Variants in ANKIB1 observed in about 807,000 individuals in gnomAD.
ANKIB1 encodes the protein ankyrin repeat and IBR domain containing 1.
In ANKIB1, 43 loss-of-function variants were observed where a neutral mutation model predicts 122.1. That is an observed-to-expected ratio of 0.35 (90% CI 0.28 to 0.45). ANKIB1 has a LOEUF of 0.45. Ranked by LOEUF, ANKIB1 falls within the 20% of genes least tolerant of loss-of-function variation. The probability of loss-of-function intolerance (pLI) is 1.00; values close to 1 mark genes in which losing one functional copy is unlikely to be tolerated. For missense variants in ANKIB1, 992 were observed against 1,329.5 expected (o/e 0.75, Z 3.95); for synonymous variants, 390 against 442.0 (o/e 0.88, Z 1.48).
Position 92,399,236 on chromosome 7 carries a change from A to G in ANKIB1, c.*287A>G, listed in dbSNP as rs1804965309. The G allele has an allele frequency of 4.5e-6, 1 of 221,056 alleles. No homozygotes were observed. Among genetic ancestry groups the G allele is most frequent in the Non-Finnish European group, 8.8e-6 (1 of 114,150 alleles). The allele number at this position is 221,056 out of a possible 1,614,324, so 13.7% of individuals were successfully genotyped here. ...ATAAATAAGTTGTATTCCACACTCTAAGAAAATGCAGTCCTCTATTTAGCC... is the reference window on the plus strand; with the variant it reads ...ATAAATAAGTTGTATTCCACACTCTGAGAAAATGCAGTCCTCTATTTAGCC... On this transcript the variant is annotated 3_prime_UTR_variant, in exon 20 of 20. Coordinates refer to ENST00000265742, the MANE Select transcript of ANKIB1 (RefSeq NM_019004.2).
intron 11 of ANKIB1, 115 bp downstream of exon 11, chr7:92,371,722 A>G (rs1804258603): frequency 8.2e-7 from 1 of 1,223,578 alleles, no homozygotes; most frequent in Admixed American, 2.2e-5. Flanking sequence ...TCTTGCCTAT[A>G]ATCCCAGCAC....
Position 92,307,808 on chromosome 7 carries a change from C to CTTTTT in ANKIB1, c.486+172_486+176dup, listed in dbSNP as rs71107855. On this transcript the variant is annotated intron_variant, in intron 3 of 19. Coordinates refer to ENST00000265742, the MANE Select transcript of ANKIB1 (RefSeq NM_019004.2). ...AAAGACCCTTTTAAATAAAGGGCCT[C>CTTTTT]TTTTTTTTTTTTTTTTTTTTTTTTG... 2.8e-3 allele frequency among the ~76,000 whole-genome samples: 133 copies of CTTTTT among 47,916 alleles called. 7 individuals carry two copies. The highest frequency in any genetic ancestry group is 0.01 in the African/African-American group (110 of 10,858). The allele number at this position is 47,916 out of a possible 152,430, so 31.4% of individuals were successfully genotyped here.
At chr7:92,295,541 A>G (rs1309423469) in intron 2 of ANKIB1, among the ~76,000 whole-genome samples, 1 of 152,180 alleles carries the variant, frequency 6.6e-6, no homozygotes, top group Non-Finnish European at 1.5e-5. Flanking sequence ...TTTCAATTCT[A>G]GAACAGTACT....
At chr7:92,291,684 C>T (rs973016064) in intron 1 of ANKIB1, among the ~76,000 whole-genome samples, 33 of 149,086 alleles carry the variant, frequency 2.2e-4, no homozygotes, top group Non-Finnish European at 4.6e-4. Flanking sequence ...TCAACCAATT[C>T]TCCTGCCGCA....
chr7:92,271,356 CT>C (rs1181184235), intron 1 of ANKIB1, among the ~76,000 whole-genome samples: 1 of 152,146 alleles, frequency 6.6e-6, no homozygotes, highest in Non-Finnish European at 1.5e-5. Flanking sequence ...TGTCTTAATT[CT>C]TGTGGTTTAG....
chr7:92,313,191 T>C (rs1802727039), intron 3 of ANKIB1, among the ~76,000 whole-genome samples: 2 of 152,170 alleles, frequency 1.3e-5, no homozygotes, highest in Admixed American at 6.6e-5. Context: ...ATTCAGAGTT[T>C]TAAGTGTAGC....
intron 5 of ANKIB1, among the ~76,000 whole-genome samples, chr7:92,338,817 C>T (rs544595677): frequency 7.0e-6 from 1 of 143,598 alleles, no homozygotes; most frequent in Admixed American, 7.1e-5. Context: ...GAGGCTGAGG[C>T]AGGAGAATTG....
intron 1 of ANKIB1, among the ~76,000 whole-genome samples, chr7:92,249,880 ATAAAC>A (rs1485823066): frequency 6.6e-6 from 1 of 152,196 alleles, no homozygotes; most frequent in Non-Finnish European, 1.5e-5. Flanking sequence ...CCACACGCGA[ATAAAC>A]TAAACTAAAT....
intron 1 of ANKIB1, among the ~76,000 whole-genome samples, chr7:92,249,866 C>A (rs1336195992): frequency 6.6e-6 from 1 of 152,046 alleles, no homozygotes; most frequent in Non-Finnish European, 1.5e-5. Flanking sequence ...AAAGATCTCC[C>A]CCCCCACACG....
chr7:92,323,919 C>T (rs1355112457), intron 4 of ANKIB1, among the ~76,000 whole-genome samples: 1 of 152,326 alleles, frequency 6.6e-6, no homozygotes, highest in East Asian at 1.9e-4. Context: ...AAACAGAACT[C>T]ATATGCTGGA....
At chr7:92,355,155 C>A (rs927255785) in intron 9 of ANKIB1, among the ~76,000 whole-genome samples, 4 of 152,164 alleles carry the variant, frequency 2.6e-5, no homozygotes, top group Admixed American at 6.5e-5. Flanking sequence ...GGTTTCTCCC[C>A]CTAGCCTTTA....
At chr7:92,384,271 G>A (rs965952077) in intron 11 of ANKIB1, among the ~76,000 whole-genome samples, 2 of 152,134 alleles carry the variant, frequency 1.3e-5, no homozygotes, top group Non-Finnish European at 2.9e-5. Context: ...CCATGCTCAT[G>A]GATAGGAAGA....
chr7:92,289,209 A>G lies in ANKIB1; in HGVS notation c.-90-5680A>G, dbSNP rs149513372. Among the ~76,000 whole-genome samples the G allele has an allele frequency of 5.3e-4, 80 of 152,348 alleles. 2 individuals carry two copies. The highest frequency in any genetic ancestry group is 1.9e-3 in the African/African-American group (80 of 41,584). ...TAAGGGTTGAACTATTGATTTATGT[A>G]TCAACATGGATAAATCTTAGTGCAT... On this transcript the variant is annotated intron_variant, in intron 1 of 19. Transcript: ENST00000265742.
At chr7:92,372,000 TG>T (rs1328438508) in intron 11 of ANKIB1, among the ~76,000 whole-genome samples, 1 of 141,668 alleles carries the variant, frequency 7.1e-6, no homozygotes, top group Non-Finnish European at 1.5e-5. Flanking sequence ...TGTGTGTGTG[TG>T]TGTGTGTGTG....
intron 8 of ANKIB1, among the ~76,000 whole-genome samples, chr7:92,351,977 T>A (rs960752077): frequency 3.3e-5 from 5 of 152,212 alleles, no homozygotes; most frequent in African/African-American, 1.2e-4. Flanking sequence ...TGCCTCAGCC[T>A]CCCAAAGTGC....
chr7:92,293,911 A>G (rs1802299023), intron 1 of ANKIB1, among the ~76,000 whole-genome samples: 1 of 152,212 alleles, frequency 6.6e-6, no homozygotes, highest in Non-Finnish European at 1.5e-5. Flanking sequence ...ACTAGCATTT[A>G]TTGGACTCAT....
chr7:92,342,069 G>A lies in ANKIB1; in HGVS notation c.788-955G>A, dbSNP rs540353440. Among the ~76,000 whole-genome samples the A allele has an allele frequency of 2.6e-5, 4 of 151,338 alleles. No homozygotes were observed. In the South Asian group the frequency reaches 8.3e-4, roughly 32 times the overall value. On this transcript the variant is annotated intron_variant, in intron 5 of 19. Coordinates refer to ENST00000265742, the MANE Select transcript of ANKIB1 (RefSeq NM_019004.2). ...AATATAGTTGAAAAAAAAAAACCTC[G>A]TGTAGAAAATTTCCAGTTATTTGTA...
chr7:92,327,812 T>C lies in ANKIB1; in HGVS notation c.699T>C (p.Leu233=). The C allele has an allele frequency of 6.3e-7, 1 of 1,585,878 alleles. No homozygotes were observed. The highest frequency in any genetic ancestry group is 8.5e-7 in the Non-Finnish European group (1 of 1,172,622). The change falls in exon 5 of 20, where the codon CTT becomes CTC. Residue 233 remains leucine, a synonymous_variant. Coordinates refer to ENST00000265742, the MANE Select transcript of ANKIB1 (RefSeq NM_019004.2). ...ATGAAGGATTAAGGCCTCAGGATCT[T>C]CGTAGACTAAAAGATATGCTTATTG... The part of the protein sequence containing the change: ...EPYEGLRPQD[L]RRLKDMLIVE...
intron 1 of ANKIB1, among the ~76,000 whole-genome samples, chr7:92,271,369 G>A (rs1801787349): frequency 6.6e-6 from 1 of 152,196 alleles, no homozygotes; most frequent in Non-Finnish European, 1.5e-5. Context: ...GTGGTTTAGA[G>A]TAAGACTTAA....
Sources: gnomAD v4.1 joint callset for allele counts (sites outside exome capture counted in the v4.1 genomes callset) on GRCh38, gnomAD v4.1.1 for gene constraint, MANE v1.5 for transcripts, NCBI Gene and HGNC (gene_info 2026-07-23, HGNC 2026-07-21) for gene names.